MED9: variants seen among roughly 807,000 people sequenced by gnomAD.
The protein encoded by MED9 is mediator of RNA polymerase II transcription subunit 9.
In MED9, 8 loss-of-function variants were observed where a neutral mutation model predicts 13.2. The ratio of observed to expected loss-of-function variants is 0.61; its 90% CI spans 0.36 to 1.10. The LOEUF (loss-of-function observed/expected upper bound fraction) is 1.10. MED9 is among the 50% of genes least tolerant of loss of function. The pLI, the probability that MED9 is intolerant of heterozygous loss-of-function variation, is 0.02. For synonymous variants in MED9, 87 were observed against 82.8 expected, an observed-to-expected ratio of 1.05 and a Z score of -0.28; for missense variants, 180 against 193.4, an observed-to-expected ratio of 0.93 and a Z score of 0.41.
rs2142478680 is a variant in MED9 at position 17,491,459 on chromosome 17, C to T, written c.405C>T (p.Tyr135=). ...CCAAGAATGAGCTTCTGCAAAAGTA[C>T]AAGAGCCTCTGCATGTTCGAAATCC... is the stretch of plus-strand genomic sequence containing the variant. ...VRTKNELLQK[Y]KSLCMFEIPK... Residue 135 remains tyrosine, a synonymous_variant, in exon 2 of 2, where the codon TAC becomes TAT. Coordinates refer to ENST00000268711, the MANE Select transcript of MED9 (RefSeq NM_018019.3). 1 of 1,614,016 alleles carries T rather than the reference C, an allele frequency of 6.2e-7. No individual in the cohort carries two copies. Among genetic ancestry groups the T allele is most frequent in the South Asian group, 1.1e-5 (1 of 91,082 alleles).
Position 17,483,477 on chromosome 17 carries a change from G to A in MED9, c.224+6212G>A, listed in dbSNP as rs992342871. Among the ~76,000 whole-genome samples the A allele has an allele frequency of 1.3e-5, 2 of 152,190 alleles. No individual in the cohort carries two copies. Among genetic ancestry groups the A allele is most frequent in the Non-Finnish European group, 2.9e-5 (2 of 68,044 alleles). On this transcript the variant is annotated intron_variant, in intron 1 of 1. Coordinates refer to ENST00000268711, the MANE Select transcript of MED9 (RefSeq NM_018019.3). This position sits in a 1 kb window ranked among gnomAD's most constrained non-coding sequence, Gnocchi z 4.2. ...CCACAGAAATGCTGCACAGAGCCCTGTGAACCAGAGCCTCTCCTGTACCCC... is the reference window on the plus strand; with the variant it reads ...CCACAGAAATGCTGCACAGAGCCCTATGAACCAGAGCCTCTCCTGTACCCC...
intron 1 of MED9, among the ~76,000 whole-genome samples, chr17:17,489,513 A>T (rs1395769629): frequency 6.6e-6 from 1 of 152,130 alleles, no homozygotes; most frequent in African/African-American, 2.4e-5. Context: ...TAATTTTAAA[A>T]CTTCCTTGGG....
At chr17:17,481,809 TAGA>T (rs1905037298) in intron 1 of MED9, among the ~76,000 whole-genome samples, 1 of 152,222 alleles carries the variant, frequency 6.6e-6, no homozygotes, top group African/African-American at 2.4e-5. Flanking sequence ...ATCCCAGCAG[TAGA>T]ATTGCTGGGG....
At chr17:17,487,273 A>C (rs541294261) in intron 1 of MED9, 1 of 152,492 alleles carries the variant, frequency 6.6e-6, no homozygotes, top group East Asian at 1.9e-4. Flanking sequence ...AGATAAGAGA[A>C]TAAAAGCAGG....
At chr17:17,490,969 G>C (rs1905216381) in intron 1 of MED9, among the ~76,000 whole-genome samples, 1 of 152,174 alleles carries the variant, frequency 6.6e-6, no homozygotes, top group Non-Finnish European at 1.5e-5. Context: ...CACTGGGCCG[G>C]GGGTAGGGAG....
chr17:17,477,323 T>G, intron 1 of MED9, 58 bp downstream of exon 1: 1 of 1,498,376 alleles, frequency 6.7e-7, no homozygotes. Context: ...CTCTCAGCCG[T>G]TTCAGAGCTG....
intron 1 of MED9, chr17:17,485,461 A>G (rs1338897685): frequency 5.2e-6 from 2 of 387,464 alleles, no homozygotes; most frequent in Non-Finnish European, 9.1e-6. Context: ...GTTTCAGAAG[A>G]GGGGAGGACC....
chr17:17,479,180 G>GT (rs748256825), intron 1 of MED9, among the ~76,000 whole-genome samples: 7 of 152,322 alleles, frequency 4.6e-5, no homozygotes, highest in Middle Eastern at 6.8e-3. Context: ...AGGCTTTGAA[G>GT]TTAGACAGCC....
At chr17:17,490,506 C>G (rs1905209974) in intron 1 of MED9, among the ~76,000 whole-genome samples, 2 of 152,150 alleles carry the variant, frequency 1.3e-5, no homozygotes, top group Admixed American at 1.3e-4. Flanking sequence ...TGAGATTGTT[C>G]TTGCCTCGTT....
intron 1 of MED9, 56 bp from the exon 2 acceptor site, chr17:17,491,222 AG>A: frequency 2.0e-6 from 3 of 1,494,320 alleles, no homozygotes; most frequent in Non-Finnish European, 9.3e-7. Context: ...GGTGCAGGGC[AG>A]GAACGCCAAG....
Position 17,483,891 on chromosome 17 carries a change from C to T in MED9, c.224+6626C>T, listed in dbSNP as rs1220944788. ...GGCGGAGGTTGCAGTGAGCCACGAT[C>T]GCACCATTGCACTCCAGCCTGGCGA... On this transcript the variant is annotated intron_variant, in intron 1 of 1. Coordinates refer to ENST00000268711, the MANE Select transcript of MED9 (RefSeq NM_018019.3). The surrounding 1 kb of genome is among the most constrained non-coding windows in gnomAD (Gnocchi z 4.2). Among the ~76,000 whole-genome samples, 6 of 150,078 alleles carry T rather than the reference C, an allele frequency of 4.0e-5. No individual in the cohort carries two copies. Among genetic ancestry groups the T allele is most frequent in the African/African-American group, 1.5e-4 (6 of 40,622 alleles).
chr17:17,489,190 A>G (rs989625677), intron 1 of MED9, among the ~76,000 whole-genome samples: 1 of 152,230 alleles, frequency 6.6e-6, no homozygotes, highest in African/African-American at 2.4e-5. Context: ...TGTGGGCTGC[A>G]TGGCCCCTTT....
chr17:17,489,370 C>T (rs1330151979), intron 1 of MED9, among the ~76,000 whole-genome samples: 5 of 152,176 alleles, frequency 3.3e-5, no homozygotes, highest in Non-Finnish European at 7.4e-5. Flanking sequence ...ACTAAATTTT[C>T]TTTTGGGCCA....
In MED9 at chr17:17,491,456, G is replaced by A. The variant is rs771194558; in HGVS notation, c.402G>A (p.Lys134=). Residue 134 remains lysine, a synonymous_variant, in exon 2 of 2, where the codon AAG becomes AAA. Coordinates refer to ENST00000268711, the MANE Select transcript of MED9 (RefSeq NM_018019.3). ...QVRTKNELLQ[K]YKSLCMFEIP... ...GGACCAAGAATGAGCTTCTGCAAAA[G>A]TACAAGAGCCTCTGCATGTTCGAAA... 1 of 1,613,920 alleles carries A rather than the reference G, an allele frequency of 6.2e-7. No individual in the cohort carries two copies. The highest frequency in any genetic ancestry group is 8.5e-7 in the Non-Finnish European group (1 of 1,179,978).
Position 17,477,126 on chromosome 17 carries a change from C to G in MED9, c.85C>G (p.Pro29Ala). ...CGACCAGCCGCTGCCTGACACCAAG[C>G]CGCTGCCGCCTCCTCAGCCGCCGCC... is the stretch of plus-strand genomic sequence containing the variant. ...TSDQPLPDTK[P>A]LPPPQPPPVP... Residue 29 changes from proline (P) to alanine (A), a missense_variant, in exon 1 of 2, where the codon CCG becomes GCG. Pro to Ala is a conservative substitution (Grantham distance 27). Coordinates refer to ENST00000268711, the MANE Select transcript of MED9 (RefSeq NM_018019.3). The G allele has an allele frequency of 2.5e-6, 4 of 1,607,414 alleles. No individual in the cohort carries two copies. The highest frequency in any genetic ancestry group is 3.4e-6 in the Non-Finnish European group (4 of 1,178,290).
chr17:17,481,872 A>G (rs1253998026), intron 1 of MED9, among the ~76,000 whole-genome samples: 2 of 152,252 alleles, frequency 1.3e-5, no homozygotes, highest in East Asian at 1.9e-4. Context: ...AATTTAGAGC[A>G]CTACGTCTTT....
chr17:17,491,542 T>C lies in MED9; in HGVS notation c.*47T>C. The C allele has an allele frequency of 6.6e-7, 1 of 1,520,014 alleles. No homozygotes were observed. Among genetic ancestry groups the C allele is most frequent in the Non-Finnish European group, 9.1e-7 (1 of 1,098,486 alleles). The allele number at this position is 1,520,014 out of a possible 1,614,324, so 94.2% of individuals were successfully genotyped here. ...AAGAGGGGGAAGCCAATGGCCTGTC[T>C]CCCCACTACCATCCCCAAACGCTCC... On this transcript the variant is annotated 3_prime_UTR_variant, in exon 2 of 2. Coordinates refer to ENST00000268711, the MANE Select transcript of MED9 (RefSeq NM_018019.3).
chr17:17,477,580 T>C, intron 1 of MED9: 1 of 323,648 alleles, frequency 3.1e-6, no homozygotes, highest in East Asian at 6.0e-5. Context: ...AAGCCTCAGT[T>C]TTCTCACCTT....
intron 1 of MED9, among the ~76,000 whole-genome samples, chr17:17,488,822 ACT>A (rs1016269356): frequency 2.7e-5 from 4 of 150,222 alleles, no homozygotes; most frequent in Non-Finnish European, 3.0e-5. Context: ...AACGAGTAAA[ACT>A]CTGTCTCAAA....
Sources: allele counts gnomAD v4.1 joint callset (sites outside exome capture counted in the v4.1 genomes callset), GRCh38; gene constraint gnomAD v4.1.1; non-coding constraint Gnocchi (gnomAD v3.1); transcripts MANE v1.5; gene names NCBI Gene and HGNC (gene_info 2026-07-23, HGNC 2026-07-21).